The following SLC35F1 variants were observed in gnomAD, a reference collection of about 807,000 sequenced individuals.
SLC35F1 encodes the protein solute carrier family 35 member F1.
SLC35F1 carries 14 observed loss-of-function variants against 48.7 expected under a neutral mutation model. The ratio of observed to expected loss-of-function variants is 0.29; its 90% CI spans 0.19 to 0.45. The LOEUF is 0.45. Ranked by LOEUF, SLC35F1 falls within the 20% of genes least tolerant of loss-of-function variation. The probability of loss-of-function intolerance (pLI) is 1.00; values close to 1 mark genes in which losing one functional copy is unlikely to be tolerated. For missense variants in SLC35F1, 404 were observed against 500.0 expected, an observed-to-expected ratio of 0.81 and a Z score of 1.83; for synonymous variants, 190 against 202.2, an observed-to-expected ratio of 0.94 and a Z score of 0.51.
At chr6:117,979,077 T>C (rs1776742052) in intron 1 of SLC35F1, among the ~76,000 whole-genome samples, 1 of 152,228 alleles carries the variant, frequency 6.6e-6, no homozygotes. Flanking sequence ...TGAATCCATT[T>C]TTCAGCTTAG....
intron 1 of SLC35F1, among the ~76,000 whole-genome samples, chr6:118,152,296 A>C (rs1774072668): frequency 6.6e-6 from 1 of 152,134 alleles, no homozygotes; most frequent in South Asian, 2.1e-4. Flanking sequence ...TGCTTCATGG[A>C]GGAGTAATAA....
At chr6:118,232,587 A>G (rs544233485) in intron 2 of SLC35F1, among the ~76,000 whole-genome samples, 3 of 150,946 alleles carry the variant, frequency 2.0e-5, no homozygotes, top group African/African-American at 7.3e-5. Context: ...GGAAGCACAC[A>G]GCAGGAAAAC....
intron 1 of SLC35F1, chr6:117,999,239 G>A (rs1317909355): frequency 1.3e-6 from 2 of 1,596,478 alleles, no homozygotes; most frequent in Non-Finnish European, 1.7e-6. Context: ...CCCAAAGGGA[G>A]TCAGCTGCAA....
chr6:118,226,521 A>C (rs987917586), intron 2 of SLC35F1, among the ~76,000 whole-genome samples: 4 of 151,942 alleles, frequency 2.6e-5, no homozygotes, highest in Admixed American at 1.3e-4. Flanking sequence ...AATATTATTC[A>C]GCCACTAAAA....
At chr6:118,194,564 T>C (rs1774775239) in intron 2 of SLC35F1, among the ~76,000 whole-genome samples, 2 of 152,190 alleles carry the variant, frequency 1.3e-5, no homozygotes, top group Non-Finnish European at 1.5e-5. Context: ...TAAGCCCGTG[T>C]TCTATCCTAA....
intron 2 of SLC35F1, among the ~76,000 whole-genome samples, chr6:118,164,798 C>G (rs750368350): frequency 6.6e-6 from 1 of 152,210 alleles, no homozygotes; most frequent in Non-Finnish European, 1.5e-5. Flanking sequence ...TTCTCCTTCA[C>G]TTGGCCCTGG....
chr6:118,040,661 A>G (rs532661418), intron 1 of SLC35F1, among the ~76,000 whole-genome samples: 12 of 152,122 alleles, frequency 7.9e-5, no homozygotes, highest in African/African-American at 2.9e-4. Context: ...GAGGGACATT[A>G]AAGGTTAGTA....
intron 7 of SLC35F1, among the ~76,000 whole-genome samples, chr6:118,285,643 A>G (rs574609823): frequency 6.6e-5 from 10 of 152,352 alleles, no homozygotes; most frequent in East Asian, 1.9e-4. Context: ...TCTTTTTCCA[A>G]TACGAACCTA....
rs543028576 is a variant in SLC35F1 at position 117,983,408 on chromosome 6, C to G, written c.173+75509C>G. Reference sequence around the variant, plus strand: ...TGGCCAACATGGTGAAATCCCGTCTCTACTAAAAATACAAAAAAATTAGTC... The same window carrying G: ...TGGCCAACATGGTGAAATCCCGTCTGTACTAAAAATACAAAAAAATTAGTC... On this transcript the variant is annotated intron_variant, in intron 1 of 7. Transcript: ENST00000360388. 9.9e-5 allele frequency among the ~76,000 whole-genome samples: 15 copies of G among 152,220 alleles called. No individual in the cohort carries two copies. The East Asian group carries it at 2.5e-3, about 26-fold the overall frequency.
chr6:117,974,442 T>C (rs759809316), intron 1 of SLC35F1, among the ~76,000 whole-genome samples: 4 of 152,212 alleles, frequency 2.6e-5, no homozygotes, highest in Non-Finnish European at 5.9e-5. Flanking sequence ...GGATTTTGAG[T>C]AGCATAAAGT....
intron 2 of SLC35F1, among the ~76,000 whole-genome samples, chr6:118,220,097 C>A (rs765785138): frequency 4.6e-5 from 7 of 152,060 alleles, no homozygotes; most frequent in Non-Finnish European, 8.8e-5. Flanking sequence ...AGCACACTAA[C>A]GTGGCACATG....
intron 1 of SLC35F1, among the ~76,000 whole-genome samples, chr6:118,038,385 GATAATA>G (rs916880400): frequency 6.6e-6 from 1 of 151,452 alleles, no homozygotes; most frequent in African/African-American, 2.4e-5. Context: ...TGGCAATAAT[GATAATA>G]ATAATAATAA....
rs1562122613 is a variant in SLC35F1, at chr6:118,315,727, C to G, written c.*1475C>G. ...GTGCTGGGATTACAGGCGTGAGCCA[C>G]TGCGCCCGGCCGACACGACATTCTT... On this transcript the variant is annotated 3_prime_UTR_variant, in exon 8 of 8. Transcript: ENST00000360388. 1 of 152,364 alleles carries G rather than the reference C, an allele frequency of 6.6e-6. No individual in the cohort carries two copies. Among genetic ancestry groups the G allele is most frequent in the East Asian group, 1.9e-4 (1 of 5,178 alleles). 9.4% of individuals were successfully genotyped at this position (152,364 alleles called of 1,614,324 possible).
At chr6:117,952,808 T>C (rs549672520) in intron 1 of SLC35F1, among the ~76,000 whole-genome samples, 3 of 152,366 alleles carry the variant, frequency 2.0e-5, no homozygotes, top group African/African-American at 7.2e-5. Flanking sequence ...CCTGTGTTTA[T>C]AATTTTTAGC....
At chr6:118,019,165 T>C (rs1263081427) in intron 1 of SLC35F1, among the ~76,000 whole-genome samples, 1 of 151,766 alleles carries the variant, frequency 6.6e-6, no homozygotes, top group African/African-American at 2.4e-5. Flanking sequence ...TTTGAATAAA[T>C]ATAATTGTAA....
intron 2 of SLC35F1, among the ~76,000 whole-genome samples, chr6:118,199,899 C>G (rs1774851148): frequency 6.6e-6 from 1 of 152,156 alleles, no homozygotes; most frequent in Non-Finnish European, 1.5e-5. Context: ...CTTACAACCA[C>G]ATTGTTGTAT....
At chr6:117,924,383 G>T (rs1346540134) in intron 1 of SLC35F1, among the ~76,000 whole-genome samples, 1 of 126,482 alleles carries the variant, frequency 7.9e-6, no homozygotes, top group Non-Finnish European at 1.7e-5. Context: ...ACATGCATAT[G>T]TATATACACA....
chr6:118,071,878 AT>A (rs1358690327), intron 1 of SLC35F1, among the ~76,000 whole-genome samples: 2 of 152,158 alleles, frequency 1.3e-5, no homozygotes, highest in African/African-American at 4.8e-5. Context: ...AGATTCTGGA[AT>A]TTCACAAGGA....
chr6:118,028,615 A>G (rs1771993204), intron 1 of SLC35F1, among the ~76,000 whole-genome samples: 1 of 152,144 alleles, frequency 6.6e-6, no homozygotes, highest in African/African-American at 2.4e-5. Context: ...GGGAGGATCC[A>G]CAGAACAAAG....
Sources: gnomAD v4.1 joint callset for allele counts (sites outside exome capture counted in the v4.1 genomes callset) on GRCh38, gnomAD v4.1.1 for gene constraint, MANE v1.5 for transcripts, NCBI Gene and HGNC (gene_info 2026-07-23, HGNC 2026-07-21) for gene names.